Variants in ASTN2 observed in about 807,000 individuals in gnomAD.
ASTN2 encodes astrotactin-2.
A neutral mutation model predicts 139.8 loss-of-function variants in ASTN2; 54 were observed. That is an observed-to-expected ratio of 0.39 (90% CI 0.31 to 0.48). ASTN2 has a LOEUF of 0.48. ASTN2 is among the 20% of genes least tolerant of loss of function. The probability of loss-of-function intolerance (pLI) is 0.95; values close to 1 mark genes in which losing one functional copy is unlikely to be tolerated. For synonymous variants in ASTN2, 756 were observed against 719.5 expected (o/e 1.05, Z -0.81); for missense variants, 1,565 against 1,725.1 (o/e 0.91, Z 1.64).
intron 19 of ASTN2, among the ~76,000 whole-genome samples, chr9:116,507,243 A>T (rs1281339913): frequency 6.6e-6 from 1 of 152,200 alleles, no homozygotes; most frequent in Non-Finnish European, 1.5e-5. Context: ...AGCTCTCCAT[A>T]GTTTGTCTCC....
chr9:117,103,594 T>A (rs1161858401), intron 4 of ASTN2, among the ~76,000 whole-genome samples: 1 of 152,226 alleles, frequency 6.6e-6, no homozygotes, highest in Non-Finnish European at 1.5e-5. Flanking sequence ...AGACCTGCTC[T>A]GCCAGCCTCG....
At chr9:116,522,948 T>C (rs1476961660) in intron 19 of ASTN2, among the ~76,000 whole-genome samples, 1 of 152,164 alleles carries the variant, frequency 6.6e-6, no homozygotes, top group Non-Finnish European at 1.5e-5. Context: ...TCTACGGCTA[T>C]CATACCTTCC....
chr9:117,196,916 A>G (rs1831524176), intron 3 of ASTN2, among the ~76,000 whole-genome samples: 1 of 152,066 alleles, frequency 6.6e-6, no homozygotes, highest in Non-Finnish European at 1.5e-5. Flanking sequence ...TCCCCTTGAG[A>G]GAATAAAACA....
chr9:117,160,750 C>A (rs1181823249), intron 3 of ASTN2, among the ~76,000 whole-genome samples: 1 of 151,906 alleles, frequency 6.6e-6, no homozygotes, highest in Non-Finnish European at 1.5e-5. Flanking sequence ...GTGCAAACCC[C>A]AGCTTATAAA....
chr9:116,447,615 C>T (rs973278153), intron 20 of ASTN2, among the ~76,000 whole-genome samples: 2 of 152,164 alleles, frequency 1.3e-5, no homozygotes, highest in Non-Finnish European at 2.9e-5. Flanking sequence ...TCTGGCTTCT[C>T]GTACATTGGC....
At chr9:117,235,305 T>C (rs1183784393) in intron 2 of ASTN2, among the ~76,000 whole-genome samples, 4 of 152,072 alleles carry the variant, frequency 2.6e-5, no homozygotes, top group Non-Finnish European at 2.9e-5. Flanking sequence ...ATGTCATTTA[T>C]TGGTATTGAC....
At chr9:117,182,558 G>A (rs1337491243) in intron 3 of ASTN2, among the ~76,000 whole-genome samples, 4 of 152,130 alleles carry the variant, frequency 2.6e-5, no homozygotes, top group Non-Finnish European at 5.9e-5. Context: ...AAATGTAGCC[G>A]GGCACTCAAG....
chr9:116,620,382 T>G lies in ASTN2; in HGVS notation c.3134A>C (p.Asp1045Ala). The G allele has an allele frequency of 6.2e-7, 1 of 1,614,132 alleles. No homozygotes were observed. The highest frequency in any genetic ancestry group is 8.5e-7 in the Non-Finnish European group (1 of 1,180,006). ...GGCGCTGAGGTCACACCTGCACCAG[T>G]CATCGATCACATCCCCTTTCCCTGA... ...WCSGKGDVID[D>A]WCRCDLSAFD... Residue 1045 changes from aspartate to alanine, a missense_variant, in exon 18 of 23, where the codon GAC becomes GCC. Physicochemically the swap from Asp to Ala is moderately radical, Grantham distance 126. This residue lies in a region of ASTN2 where 418 missense variants were observed against 465.8 expected (regional missense o/e 0.90). Coordinates refer to ENST00000313400, the MANE Select transcript of ASTN2 (RefSeq NM_001365068.1).
chr9:116,803,759 C>T (rs1272504520), intron 13 of ASTN2, among the ~76,000 whole-genome samples: 1 of 151,038 alleles, frequency 6.6e-6, no homozygotes, highest in Non-Finnish European at 1.5e-5. Context: ...CTCCTTACCT[C>T]ATGATCCGCC....
At chr9:117,271,041 G>A (rs1221318354) in intron 2 of ASTN2, among the ~76,000 whole-genome samples, 1 of 152,112 alleles carries the variant, frequency 6.6e-6, no homozygotes, top group Non-Finnish European at 1.5e-5. Context: ...TGTTATTTTA[G>A]CATAGCGGCT....
intron 12 of ASTN2, among the ~76,000 whole-genome samples, chr9:116,806,785 T>C: frequency 6.6e-6 from 1 of 152,014 alleles, no homozygotes; most frequent in East Asian, 1.9e-4. Context: ...CATGATACAT[T>C]GGCCACAAAA....
At chr9:116,441,059 C>T (rs987309319) in intron 21 of ASTN2, among the ~76,000 whole-genome samples, 2 of 152,154 alleles carry the variant, frequency 1.3e-5, no homozygotes, top group African/African-American at 4.8e-5. Flanking sequence ...CAGGGTCTGG[C>T]ACAAAGTTAG....
chr9:116,653,219 T>C (rs1054581943), intron 16 of ASTN2, among the ~76,000 whole-genome samples: 1 of 152,216 alleles, frequency 6.6e-6, no homozygotes, highest in Non-Finnish European at 1.5e-5. Flanking sequence ...ACTATATTCA[T>C]GATCTAGTCT....
At chr9:117,132,284 C>T (rs757643714) in intron 4 of ASTN2, among the ~76,000 whole-genome samples, 4 of 152,220 alleles carry the variant, frequency 2.6e-5, no homozygotes, top group Admixed American at 6.5e-5. Context: ...CCCACCCAGA[C>T]CAGAACTAAC....
At chr9:116,632,949 A>G (rs1856881235) in intron 17 of ASTN2, among the ~76,000 whole-genome samples, 1 of 152,216 alleles carries the variant, frequency 6.6e-6, no homozygotes, top group Admixed American at 6.5e-5. Context: ...GTACTCCATA[A>G]AAGTTTGTTG....
chr9:116,867,565 A>C (rs1433904997), intron 10 of ASTN2, among the ~76,000 whole-genome samples: 1 of 151,016 alleles, frequency 6.6e-6, no homozygotes, highest in African/African-American at 2.4e-5. Context: ...AAAAAAAAAA[A>C]AAAAAAAGGA....
At chr9:117,311,703 A>G (rs1245308541) in intron 1 of ASTN2, among the ~76,000 whole-genome samples, 1 of 152,174 alleles carries the variant, frequency 6.6e-6, no homozygotes, top group African/African-American at 2.4e-5. Flanking sequence ...ATTGTCCCAC[A>G]CACACAGAGA....
intron 5 of ASTN2, among the ~76,000 whole-genome samples, chr9:117,089,805 C>G (rs913498429): frequency 2.6e-5 from 4 of 151,916 alleles, no homozygotes; most frequent in Admixed American, 6.6e-5. Flanking sequence ...TGAGATACTT[C>G]ACTTAAAATA....
intron 10 of ASTN2, among the ~76,000 whole-genome samples, chr9:116,896,048 G>C (rs1039365637): frequency 1.3e-5 from 2 of 152,194 alleles, no homozygotes; most frequent in Non-Finnish European, 2.9e-5. Flanking sequence ...GAGTCATTAA[G>C]TGTCCTTGTT....
Sources: allele counts gnomAD v4.1 joint callset (sites outside exome capture counted in the v4.1 genomes callset), GRCh38; gene constraint gnomAD v4.1.1; regional missense constraint gnomAD v4.1.1; transcripts MANE v1.5; gene names NCBI Gene and HGNC (gene_info 2026-07-23, HGNC 2026-07-21).